The following CNTN5 variants were observed in gnomAD, a reference collection of about 807,000 sequenced individuals.
CNTN5 encodes the protein contactin-5.
In CNTN5, 77 loss-of-function variants were observed where a neutral mutation model predicts 129.1. That is an observed-to-expected ratio of 0.60 (90% CI 0.50 to 0.72). CNTN5 has a LOEUF of 0.72. CNTN5 is among the 30% of genes least tolerant of loss of function. The probability of loss-of-function intolerance (pLI) is 0.00; values close to 1 mark genes in which losing one functional copy is unlikely to be tolerated. For synonymous variants in CNTN5, 509 were observed against 465.6 expected (o/e 1.09, Z -1.20); for missense variants, 1,478 against 1,328.8 (o/e 1.11, Z -1.75).
intron 3 of CNTN5, among the ~76,000 whole-genome samples, chr11:99,694,321 C>A (rs535131933): frequency 1.3e-5 from 2 of 152,028 alleles, no homozygotes; most frequent in African/African-American, 4.8e-5. Flanking sequence ...TTAATGTTAT[C>A]TATGGCTGTT....
At chr11:99,106,624 C>A (rs1867011189) in intron 1 of CNTN5, among the ~76,000 whole-genome samples, 1 of 151,910 alleles carries the variant, frequency 6.6e-6, no homozygotes, top group African/African-American at 2.4e-5. Flanking sequence ...GTGTATATGT[C>A]ACATTCTTAT....
chr11:99,903,315 C>T (rs1949408175), intron 6 of CNTN5, among the ~76,000 whole-genome samples: 1 of 151,574 alleles, frequency 6.6e-6, no homozygotes. Context: ...ATAACCAAAA[C>T]CGTAACCATA....
chr11:99,736,131 G>C (rs1037022659), intron 3 of CNTN5, among the ~76,000 whole-genome samples: 1 of 151,918 alleles, frequency 6.6e-6, no homozygotes, highest in African/African-American at 2.4e-5. Context: ...TTGAGCGTGG[G>C]ACAAAACACA....
intron 7 of CNTN5, among the ~76,000 whole-genome samples, chr11:99,923,705 T>C (rs1296613277): frequency 6.6e-6 from 1 of 152,124 alleles, no homozygotes; most frequent in African/African-American, 2.4e-5. Context: ...TGTAGAAGTA[T>C]TCCCTTTTCA....
intron 1 of CNTN5, among the ~76,000 whole-genome samples, chr11:99,319,653 A>T (rs1477421902): frequency 1.3e-5 from 2 of 152,180 alleles, no homozygotes; most frequent in Non-Finnish European, 2.9e-5. Context: ...GACATCAATT[A>T]GTTTCATGTA....
intron 2 of CNTN5, among the ~76,000 whole-genome samples, chr11:99,416,630 T>C (rs536009810): frequency 1.3e-5 from 2 of 152,120 alleles, no homozygotes; most frequent in South Asian, 2.1e-4. Context: ...GCCGGTGTCA[T>C]GGGTGGTAAA....
intron 1 of CNTN5, among the ~76,000 whole-genome samples, chr11:99,123,928 TG>T (rs917195424): frequency 1.2e-4 from 18 of 152,122 alleles, no homozygotes; most frequent in African/African-American, 4.3e-4. Context: ...ACCAGTACCA[TG>T]CTGTTTTGAT....
intron 1 of CNTN5, among the ~76,000 whole-genome samples, chr11:99,059,913 A>G (rs187234101): frequency 6.1e-4 from 93 of 152,214 alleles, no homozygotes; most frequent in African/African-American, 2.2e-3. Flanking sequence ...AAAGTCATCT[A>G]ACTGTAGAAA....
intron 3 of CNTN5, among the ~76,000 whole-genome samples, chr11:99,622,252 G>T (rs1367470025): frequency 4.6e-5 from 7 of 152,036 alleles, no homozygotes; most frequent in Non-Finnish European, 8.8e-5. Context: ...ATATTCCAAC[G>T]ATTTAAAATA....
At chr11:99,763,316 GA>G (rs1262169586) in intron 3 of CNTN5, among the ~76,000 whole-genome samples, 7 of 152,040 alleles carry the variant, frequency 4.6e-5, no homozygotes, top group African/African-American at 1.7e-4. Flanking sequence ...CCCAAGAGGG[GA>G]AAACAGTCAA....
chr11:99,993,058 TG>T (rs1472298488), intron 8 of CNTN5, among the ~76,000 whole-genome samples: 1 of 152,230 alleles, frequency 6.6e-6, no homozygotes, highest in African/African-American at 2.4e-5. Flanking sequence ...GTGTGTCTTA[TG>T]GGACTGTCTC....
At chr11:99,514,943 G>A (rs1946989341) in intron 2 of CNTN5, among the ~76,000 whole-genome samples, 1 of 152,050 alleles carries the variant, frequency 6.6e-6, no homozygotes, top group African/African-American at 2.4e-5. Context: ...CATGGTTAAA[G>A]AAAGGAAGAT....
At chr11:100,164,023 C>T (rs1334230864) in intron 13 of CNTN5, among the ~76,000 whole-genome samples, 2 of 151,770 alleles carry the variant, frequency 1.3e-5, no homozygotes, top group African/African-American at 4.8e-5. Flanking sequence ...CTCCTAACCA[C>T]AAAGGTGAGT....
chr11:99,036,617 AG>A (rs1863748597), intron 1 of CNTN5, among the ~76,000 whole-genome samples: 3 of 152,216 alleles, frequency 2.0e-5, no homozygotes, highest in South Asian at 4.2e-4. Context: ...GTCATTGAGA[AG>A]GTACACTTAA....
chr11:99,736,054 C>T (rs915341807), intron 3 of CNTN5, among the ~76,000 whole-genome samples: 10 of 151,448 alleles, frequency 6.6e-5, no homozygotes, highest in Non-Finnish European at 1.5e-4. Context: ...CTTTCTCTGT[C>T]CCTCTCTCTC....
intron 6 of CNTN5, among the ~76,000 whole-genome samples, chr11:99,903,734 T>C (rs931675380): frequency 1.3e-5 from 2 of 152,118 alleles, no homozygotes; most frequent in Non-Finnish European, 2.9e-5. Flanking sequence ...ACTCTAAATA[T>C]AATTTTTTTA....
chr11:99,856,253 A>G (rs1031168887), intron 6 of CNTN5, among the ~76,000 whole-genome samples: 4 of 152,196 alleles, frequency 2.6e-5, no homozygotes, highest in African/African-American at 9.6e-5. Context: ...CTAACAAGTC[A>G]TCTTCTGCTT....
intron 10 of CNTN5, among the ~76,000 whole-genome samples, chr11:100,063,965 A>G (rs1158606851): frequency 6.6e-6 from 1 of 152,194 alleles, no homozygotes; most frequent in Admixed American, 6.6e-5. Flanking sequence ...CATGTTAGAC[A>G]TGAGGGCTTT....
At chr11:99,374,414 T>C (rs1940026936) in intron 2 of CNTN5, among the ~76,000 whole-genome samples, 1 of 152,230 alleles carries the variant, frequency 6.6e-6, no homozygotes, top group Non-Finnish European at 1.5e-5. Flanking sequence ...GGTCTCAGTT[T>C]TTCAATGTAT....
Sources: gnomAD v4.1 joint callset for allele counts (sites outside exome capture counted in the v4.1 genomes callset) on GRCh38, gnomAD v4.1.1 for gene constraint, MANE v1.5 for transcripts, NCBI Gene and HGNC (gene_info 2026-07-23, HGNC 2026-07-21) for gene names.